LRP5: variants seen among roughly 807,000 people sequenced by gnomAD.
The protein encoded by LRP5 is LDL receptor related protein 5.
A neutral mutation model predicts 154.1 loss-of-function variants in LRP5; 62 were observed. The observed-to-expected ratio is 0.40, with a 90% CI of 0.33 to 0.50. LRP5 has a LOEUF of 0.50. LRP5 is among the 20% of genes least tolerant of loss of function. The pLI is 0.55. For missense variants in LRP5, 1,915 were observed against 2,336.7 expected, an observed-to-expected ratio of 0.82 and a Z score of 3.72; for synonymous variants, 966 against 1,011.5, an observed-to-expected ratio of 0.96 and a Z score of 0.85.
At chr11:68,382,634 A>G (rs1237631185) in intron 5 of LRP5, among the ~76,000 whole-genome samples, 2 of 152,056 alleles carry the variant, frequency 1.3e-5, no homozygotes, top group African/African-American at 4.8e-5. Flanking sequence ...CTAGCTTCCC[A>G]CAGAGATACT....
intron 1 of LRP5, 28 bp downstream of exon 1, chr11:68,312,833 C>T: frequency 9.8e-7 from 1 of 1,019,662 alleles, no homozygotes; most frequent in Non-Finnish European, 1.2e-6. Flanking sequence ...GGCCGGGGGC[C>T]GCGGGTTGCT....
intron 1 of LRP5, among the ~76,000 whole-genome samples, chr11:68,334,293 C>T (rs565641473): frequency 2.0e-4 from 30 of 152,026 alleles, no homozygotes; most frequent in Middle Eastern, 3.4e-3. Flanking sequence ...GTAGAGGTGT[C>T]GGGGGTGATT....
chr11:68,425,622 G>T (rs1445331351), intron 15 of LRP5, among the ~76,000 whole-genome samples: 1 of 152,236 alleles, frequency 6.6e-6, no homozygotes, highest in Admixed American at 6.5e-5. Context: ...TGCGAGGGCT[G>T]GAGAGAAATG....
chr11:68,396,674 C>T (rs1036741032), intron 7 of LRP5, among the ~76,000 whole-genome samples: 10 of 152,194 alleles, frequency 6.6e-5, no homozygotes, highest in African/African-American at 2.4e-4. Context: ...TTGACTGTGA[C>T]AGCTGTCCTG....
intron 5 of LRP5, among the ~76,000 whole-genome samples, chr11:68,381,512 C>T (rs2098640232): frequency 6.6e-6 from 1 of 152,154 alleles, no homozygotes; most frequent in Non-Finnish European, 1.5e-5. Flanking sequence ...AGCCCCTGGC[C>T]TGTGCTTGGC....
At chr11:68,407,591 A>C (rs1341002969) in intron 9 of LRP5, among the ~76,000 whole-genome samples, 1 of 150,352 alleles carries the variant, frequency 6.7e-6, no homozygotes, top group African/African-American at 2.4e-5. Context: ...CTGTAATCCC[A>C]GCACTTTGGG....
chr11:68,323,759 T>C (rs888404225), intron 1 of LRP5, among the ~76,000 whole-genome samples: 1 of 152,138 alleles, frequency 6.6e-6, no homozygotes, highest in Admixed American at 6.5e-5. Flanking sequence ...AGTAGGTGAC[T>C]GAGTGATATT....
intron 1 of LRP5, among the ~76,000 whole-genome samples, chr11:68,331,481 G>A (rs1460133793): frequency 2.0e-5 from 3 of 152,376 alleles, no homozygotes; most frequent in Admixed American, 6.5e-5. Context: ...CAGCTCTGCG[G>A]TGGAGCAGCA....
chr11:68,435,579 G>T (rs2098674415), intron 18 of LRP5, among the ~76,000 whole-genome samples: 1 of 152,184 alleles, frequency 6.6e-6, no homozygotes. Flanking sequence ...CTCACAGTGA[G>T]AGCCCATTTG....
chr11:68,336,622 C>T (rs1384702846), intron 1 of LRP5, among the ~76,000 whole-genome samples: 1 of 152,120 alleles, frequency 6.6e-6, no homozygotes. Flanking sequence ...GCATGCACCA[C>T]CACATCTGGC....
chr11:68,387,734 G>C (rs184786208), intron 6 of LRP5, among the ~76,000 whole-genome samples: 1 of 152,350 alleles, frequency 6.6e-6, no homozygotes, highest in East Asian at 1.9e-4. Context: ...CCCTGATGGA[G>C]GAGGCGCAGT....
chr11:68,357,720 A>G lies in LRP5; in HGVS notation c.559A>G (p.Lys187Glu), dbSNP rs750841970. ...GGCAGGGATGGATGGCAGCACCCGG[A>G]AGATCATTGTGGACTCGGACATTTA... The part of the protein sequence containing the change: ...ERAGMDGSTR[K>E]IIVDSDIYWP... Residue 187 changes from lysine to glutamate, a missense_variant, in exon 3 of 23, where the codon AAG (lysine) becomes GAG (glutamate). Transcript: ENST00000294304. 2.5e-6 allele frequency: 4 copies of G among 1,614,070 alleles called. No homozygotes were observed. Among genetic ancestry groups the G allele is most frequent in the Non-Finnish European group, 3.4e-6 (4 of 1,180,028 alleles).
At position 68,413,515 on chromosome 11, in the gene LRP5, A is replaced by G. The variant is rs1479750132; in HGVS notation, c.2504-174A>G. On this transcript the variant is annotated intron_variant, in intron 11 of 22. Transcript: ENST00000294304. This position sits in a 1 kb window ranked among gnomAD's most constrained non-coding sequence, Gnocchi z 5.1. Reference sequence around the variant, plus strand: ...TAGCCAGGTCACTTAATTTTGCTAGATCCTGCCTGCGCTTCAGTGGATCTT... The same window carrying G: ...TAGCCAGGTCACTTAATTTTGCTAGGTCCTGCCTGCGCTTCAGTGGATCTT... Among the ~76,000 whole-genome samples, 2 of 152,154 alleles carry G rather than the reference A, an allele frequency of 1.3e-5. No homozygotes were observed. Among genetic ancestry groups the G allele is most frequent in the Admixed American group, 1.3e-4 (2 of 15,276 alleles).
At chr11:68,345,931 C>T (rs1381386938) in intron 1 of LRP5, among the ~76,000 whole-genome samples, 1 of 152,042 alleles carries the variant, frequency 6.6e-6, no homozygotes, top group Non-Finnish European at 1.5e-5. Context: ...ATATATTAAG[C>T]CTGTTTTGAT....
At chr11:68,382,506 A>T (rs2098640792) in intron 5 of LRP5, among the ~76,000 whole-genome samples, 1 of 152,166 alleles carries the variant, frequency 6.6e-6, no homozygotes, top group African/African-American at 2.4e-5. Flanking sequence ...GTGTTCACGG[A>T]TGGTGTCGTT....
chr11:68,433,966 G>A, intron 18 of LRP5, 128 bp downstream of exon 18: 1 of 922,788 alleles, frequency 1.1e-6, no homozygotes, highest in Non-Finnish European at 1.7e-6. Flanking sequence ...AGATTGCCAA[G>A]TCTGTCTTTT....
At chr11:68,436,714 C>T (rs781413342) in intron 18 of LRP5, among the ~76,000 whole-genome samples, 175 bp from the exon 19 acceptor site, 1 of 152,340 alleles carries the variant, frequency 6.6e-6, no homozygotes, top group African/African-American at 2.4e-5. Context: ...GCATAGGCCT[C>T]GCCACAGGGT....
In LRP5 at chr11:68,413,966, C is replaced by T. The variant is rs1409628839; in HGVS notation, c.2781C>T (p.Gly927=). Residue 927 remains glycine (G), a synonymous_variant, in exon 12 of 23, where the codon GGC becomes GGT. Transcript: ENST00000294304. This position sits in a 1 kb window ranked among gnomAD's most constrained non-coding sequence, Gnocchi z 5.1. The part of the protein sequence containing the change: ...CLAIPGGHRC[G]CASHYTLDPS... The stretch of plus-strand genomic sequence containing the variant: ...CCATCCCCGGCGGCCACCGCTGCGG[C>T]TGCGCCTCACACTACACCCTGGACC... 6.2e-7 allele frequency: 1 copy of T among 1,607,190 alleles called. No homozygotes were observed. Among genetic ancestry groups the T allele is most frequent in the Admixed American group, 1.7e-5 (1 of 60,014 alleles).
intron 21 of LRP5, among the ~76,000 whole-genome samples, chr11:68,443,497 A>G (rs1185304056): frequency 7.4e-6 from 1 of 135,096 alleles, no homozygotes; most frequent in African/African-American, 2.7e-5. Context: ...CTCAAAAAAA[A>G]AAAAAAAAAA....
Sources: allele counts gnomAD v4.1 joint callset (sites outside exome capture counted in the v4.1 genomes callset), GRCh38; gene constraint gnomAD v4.1.1; non-coding constraint Gnocchi (gnomAD v3.1); transcripts MANE v1.5; gene names NCBI Gene and HGNC (gene_info 2026-07-23, HGNC 2026-07-21).